The following EPSTI1 variants were observed in gnomAD, a reference collection of about 807,000 sequenced individuals.
EPSTI1 encodes the protein epithelial stromal interaction 1.
A neutral mutation model predicts 49.9 loss-of-function variants in EPSTI1; 66 were observed. The observed-to-expected ratio is 1.32, with a 90% CI of 1.08 to 1.62. EPSTI1 has a LOEUF of 1.62. Ranked by LOEUF, EPSTI1 falls within the 40% of genes most tolerant of loss-of-function variation. The probability of loss-of-function intolerance (pLI) is 0.00; values close to 1 mark genes in which losing one functional copy is unlikely to be tolerated. For synonymous variants in EPSTI1, 137 were observed against 130.7 expected, an observed-to-expected ratio of 1.05 and a Z score of -0.33; for missense variants, 394 against 365.5, an observed-to-expected ratio of 1.08 and a Z score of -0.64.
intron 5 of EPSTI1, among the ~76,000 whole-genome samples, chr13:42,955,705 G>A (rs2039237966): frequency 2.0e-5 from 3 of 152,108 alleles, no homozygotes; most frequent in Non-Finnish European, 2.9e-5. Context: ...GGGAGGCTGA[G>A]GTAGGAGAAT....
chr13:42,954,137 CAGTATCCTGCTA>C (rs1362803507), intron 5 of EPSTI1, 116 bp from the exon 6 acceptor site: 16 of 753,802 alleles, frequency 2.1e-5, no homozygotes, highest in Admixed American at 1.1e-4. Flanking sequence ...TAGTCTAATA[CAGTATCCTGCTA>C]GAGGCTCCAA....
intron 6 of EPSTI1, among the ~76,000 whole-genome samples, chr13:42,948,428 T>TG (rs1555265124): frequency 6.9e-6 from 1 of 144,520 alleles, no homozygotes; most frequent in Non-Finnish European, 1.5e-5. Context: ...GCTTGTTGTT[T>TG]TTTTTTTTTT....
chr13:42,972,239 A>C (rs943072048), intron 1 of EPSTI1, among the ~76,000 whole-genome samples: 2 of 152,194 alleles, frequency 1.3e-5, no homozygotes, highest in East Asian at 1.9e-4. Flanking sequence ...ACTCCAGATC[A>C]GTAGTTCTCA....
intron 1 of EPSTI1, 23 bp from the exon 2 acceptor site, chr13:42,970,693 T>A (rs547046635): frequency 6.4e-7 from 1 of 1,550,894 alleles, no homozygotes; most frequent in East Asian, 2.3e-5. Flanking sequence ...GAAAAAAAAA[T>A]GCTTATTACC....
At chr13:42,902,611 A>G (rs1289011826) in intron 8 of EPSTI1, among the ~76,000 whole-genome samples, 1 of 152,196 alleles carries the variant, frequency 6.6e-6, no homozygotes, top group Non-Finnish European at 1.5e-5. Flanking sequence ...TTGATATGCA[A>G]TGTTTAACCA....
chr13:42,957,265 A>G (rs1644721747), intron 5 of EPSTI1, among the ~76,000 whole-genome samples: 1 of 152,234 alleles, frequency 6.6e-6, no homozygotes, highest in African/African-American at 2.4e-5. Flanking sequence ...TTTGAGGTAT[A>G]CTTGTGGAAT....
Position 42,895,071 on chromosome 13 carries a change from T to C in EPSTI1, c.853A>G (p.Ser285Gly). ...GATTGCTCGAGGCCACCTGGTTGAC[T>C]TTTGCCTTGGAGTCGGTCCAGAAAA... is the stretch of plus-strand genomic sequence containing the variant. ...NAFLDRLQGK[S>G]QPGGLEQSGG... The change falls in exon 10 of 11, where the codon AGT becomes GGT. Residue 285 changes from serine (S) to glycine (G), a missense_variant. Physicochemically the swap from Ser to Gly is moderately conservative, Grantham distance 56 (BLOSUM62 0). Transcript: ENST00000313624. 1 of 1,613,498 alleles carries C rather than the reference T, an allele frequency of 6.2e-7. No homozygotes were observed. Among genetic ancestry groups the C allele is most frequent in the Non-Finnish European group, 8.5e-7 (1 of 1,179,646 alleles).
intron 9 of EPSTI1, among the ~76,000 whole-genome samples, chr13:42,896,394 A>G (rs1338618203): frequency 6.6e-6 from 1 of 152,030 alleles, no homozygotes; most frequent in East Asian, 1.9e-4. Context: ...AAACAACACA[A>G]CCACTGGTAT....
At chr13:42,924,709 G>A (rs933115636) in intron 7 of EPSTI1, among the ~76,000 whole-genome samples, 2 of 152,196 alleles carry the variant, frequency 1.3e-5, no homozygotes, top group African/African-American at 4.8e-5. Context: ...AGGGAAGAGA[G>A]ATGATGAATT....
At chr13:42,959,719 G>C (rs1047061068) in intron 5 of EPSTI1, among the ~76,000 whole-genome samples, 10 of 152,164 alleles carry the variant, frequency 6.6e-5, no homozygotes, top group African/African-American at 2.2e-4. Flanking sequence ...GCAAGGAAAG[G>C]TGTTGGAAGC....
chr13:42,895,193 T>G (rs1345453074), intron 9 of EPSTI1, 85 bp from the exon 10 acceptor site: 2 of 1,027,050 alleles, frequency 1.9e-6, no homozygotes, highest in Non-Finnish European at 2.9e-6. Context: ...TTGTATGAAC[T>G]GACCATGGGG....
intron 1 of EPSTI1, among the ~76,000 whole-genome samples, chr13:42,987,401 G>T (rs748101503): frequency 6.6e-6 from 1 of 151,918 alleles, no homozygotes; most frequent in African/African-American, 2.4e-5. Context: ...AAGCTCAAAC[G>T]TCACCTCTAA....
chr13:42,979,517 G>A (rs1455636104), intron 1 of EPSTI1, among the ~76,000 whole-genome samples: 1 of 151,210 alleles, frequency 6.6e-6, no homozygotes, highest in Non-Finnish European at 1.5e-5. Context: ...GGAAGGCGGC[G>A]GAGCTTGCAG....
In EPSTI1 at chr13:42,888,320, C is replaced by A; in HGVS notation, c.*174G>T. The A allele has an allele frequency of 6.2e-7, 1 of 1,614,124 alleles. No homozygotes were observed. The highest frequency in any genetic ancestry group is 8.5e-7 in the Non-Finnish European group (1 of 1,179,992). On this transcript the variant is annotated 3_prime_UTR_variant, in exon 11 of 11. Coordinates refer to ENST00000313624, the MANE Select transcript of EPSTI1 (RefSeq NM_033255.5). ...GAGTTCAGGAATCAGCTCCTCCAAA[C>A]ATGCATAAATGAGGACAAGGAGAAG...
intron 6 of EPSTI1, chr13:42,934,576 T>G (rs1314948581): frequency 1.3e-5 from 2 of 153,536 alleles, no homozygotes; most frequent in South Asian, 2.1e-4. Flanking sequence ...TTTTTCTTAT[T>G]TAGTACCTGT....
rs188582105 is a variant in EPSTI1 at position 42,946,776 on chromosome 13, C to T, written c.563+7172G>A. On this transcript the variant is annotated intron_variant, in intron 6 of 10. Coordinates refer to ENST00000313624, the MANE Select transcript of EPSTI1 (RefSeq NM_033255.5). ...TTGAAGGTCAGGAATATCTGAGCAC[C>T]GTCTCCTGTCAGAACAGCAGCGGTA... 5.9e-5 allele frequency among the ~76,000 whole-genome samples: 9 copies of T among 152,292 alleles called. No individual in the cohort carries two copies. In the East Asian group the frequency reaches 9.6e-4, roughly 16 times the overall value.
In EPSTI1 at chr13:42,895,076, C is replaced by T. The variant is rs1290848159; in HGVS notation, c.848G>A (p.Gly283Asp). Reference protein sequence around the residue: ...VNNAFLDRLQGKSQPGGLEQS... With the variant: ...VNNAFLDRLQDKSQPGGLEQS... ...CTCGAGGCCACCTGGTTGACTTTTG[C>T]CTTGGAGTCGGTCCAGAAAAGCATT... Residue 283 changes from glycine (G) to aspartate (D), a missense_variant, in exon 10 of 11, where the codon GGC (glycine) becomes GAC (aspartate). By Grantham distance (94) the Gly-to-Asp change is moderately conservative. Transcript: ENST00000313624. The T allele has an allele frequency of 1.9e-6, 3 of 1,613,172 alleles. No homozygotes were observed. The highest frequency in any genetic ancestry group is 2.5e-6 in the Non-Finnish European group (3 of 1,179,618).
intron 6 of EPSTI1, among the ~76,000 whole-genome samples, chr13:42,932,125 GTC>G (rs1162153245): frequency 2.3e-5 from 2 of 86,894 alleles, no homozygotes; most frequent in African/African-American, 3.8e-5. Context: ...TAGAGGTGGG[GTC>G]TTGCTGTGTT....
intron 1 of EPSTI1, among the ~76,000 whole-genome samples, chr13:42,990,736 T>A (rs563230046): frequency 4.6e-5 from 7 of 152,182 alleles, no homozygotes; most frequent in Non-Finnish European, 1.0e-4. Context: ...TTCCAAAAGC[T>A]AAGGGATGAA....
Sources: allele counts gnomAD v4.1 joint callset (sites outside exome capture counted in the v4.1 genomes callset), GRCh38; gene constraint gnomAD v4.1.1; transcripts MANE v1.5; gene names NCBI Gene and HGNC (gene_info 2026-07-23, HGNC 2026-07-21).